CRTC3: variants seen among roughly 807,000 people sequenced by gnomAD.
The protein encoded by CRTC3 is CREB regulated transcription coactivator 3.
A neutral mutation model predicts 74.5 loss-of-function variants in CRTC3; 26 were observed. The ratio of observed to expected loss-of-function variants is 0.35; its 90% CI spans 0.26 to 0.48. CRTC3 has a LOEUF of 0.48. CRTC3 is among the 20% of genes least tolerant of loss of function. CRTC3 has a pLI of 0.99. For synonymous variants in CRTC3, 377 were observed against 325.8 expected (o/e 1.16, Z -1.69); for missense variants, 760 against 787.3 (o/e 0.97, Z 0.41).
intron 2 of CRTC3, among the ~76,000 whole-genome samples, chr15:90,578,730 C>T (rs1361154846): frequency 6.6e-6 from 1 of 152,108 alleles, no homozygotes; most frequent in Admixed American, 6.6e-5. Flanking sequence ...GAGGTGGGAA[C>T]TGGGTCGAAG....
chr15:90,629,198 A>C (rs765225203), intron 10 of CRTC3, 36 bp from the exon 11 acceptor site: 4 of 1,587,132 alleles, frequency 2.5e-6, no homozygotes, highest in Non-Finnish European at 2.6e-6. Context: ...ATTTGGTCTG[A>C]AATTATAAGT....
At chr15:90,623,036 C>G (rs1459073745) in intron 9 of CRTC3, among the ~76,000 whole-genome samples, 1 of 152,130 alleles carries the variant, frequency 6.6e-6, no homozygotes, top group African/African-American at 2.4e-5. Context: ...GGAGTGAGTG[C>G]TCAGCTCTCT....
chr15:90,591,796 C>CA (rs1242742794), intron 2 of CRTC3, among the ~76,000 whole-genome samples: 5 of 151,756 alleles, frequency 3.3e-5, no homozygotes, highest in African/African-American at 9.7e-5. Flanking sequence ...GACCCTGTCT[C>CA]AAAAAAAAGA....
chr15:90,641,242 TTG>T, intron 14 of CRTC3, 43 bp downstream of exon 14: 1 of 1,300,390 alleles, frequency 7.7e-7, no homozygotes, highest in Non-Finnish European at 1.1e-6. Flanking sequence ...TTTTATGTTG[TTG>T]TGTGTTCAGG....
At chr15:90,624,313 C>G (rs951883430) in intron 9 of CRTC3, among the ~76,000 whole-genome samples, 1 of 152,080 alleles carries the variant, frequency 6.6e-6, no homozygotes, top group Non-Finnish European at 1.5e-5. Flanking sequence ...CTCCCTGCCT[C>G]TCCTTCTGCC....
chr15:90,560,858 G>C (rs1407922826), intron 2 of CRTC3, among the ~76,000 whole-genome samples: 7 of 152,200 alleles, frequency 4.6e-5, no homozygotes, highest in Non-Finnish European at 5.9e-5. Flanking sequence ...AAGCCGCTTG[G>C]GGGGTTCAAC....
At chr15:90,592,211 A>G (rs16944607) in intron 2 of CRTC3, among the ~76,000 whole-genome samples, 6,345 of 152,286 alleles carry the variant, frequency 0.042, 415 homozygotes, top group African/African-American at 0.14. Flanking sequence ...TAAGCTACCA[A>G]TTTTATATGT....
intron 6 of CRTC3, among the ~76,000 whole-genome samples, chr15:90,612,205 C>T (rs543999834): frequency 2.4e-4 from 37 of 151,966 alleles, no homozygotes; most frequent in Non-Finnish European, 4.3e-4. Flanking sequence ...TGAAGACACA[C>T]GGGCCAGAGT....
At chr15:90,542,486 C>CT (rs1009063293) in intron 2 of CRTC3, among the ~76,000 whole-genome samples, 6 of 152,130 alleles carry the variant, frequency 3.9e-5, no homozygotes, top group African/African-American at 1.4e-4. Flanking sequence ...GCTGACATAA[C>CT]TTTTTTTTCA....
chr15:90,634,695 G>A (rs560728708), intron 11 of CRTC3: 7 of 656,094 alleles, frequency 1.1e-5, no homozygotes, highest in Non-Finnish European at 1.7e-5. Context: ...CTACACTAGA[G>A]CGGAGTATGA....
chr15:90,544,257 T>C (rs1966840504), intron 2 of CRTC3, among the ~76,000 whole-genome samples: 1 of 152,198 alleles, frequency 6.6e-6, no homozygotes. Context: ...TTCTTCATTG[T>C]TTGTCTGTGT....
At chr15:90,641,882 C>T (rs1484484212) in intron 14 of CRTC3, 50 bp from the exon 15 acceptor site, 1 of 1,535,366 alleles carries the variant, frequency 6.5e-7, no homozygotes, top group Admixed American at 1.7e-5. Context: ...TAGCCTGGAG[C>T]CTTCGCGCCT....
intron 2 of CRTC3, among the ~76,000 whole-genome samples, chr15:90,589,630 A>T (rs1051117217): frequency 6.6e-6 from 1 of 152,214 alleles, no homozygotes; most frequent in Non-Finnish European, 1.5e-5. Flanking sequence ...CAATGCTAGG[A>T]TTATAGGCGT....
intron 2 of CRTC3, among the ~76,000 whole-genome samples, chr15:90,556,307 T>TAG (rs1966889872): frequency 6.6e-6 from 1 of 152,196 alleles, no homozygotes; most frequent in Admixed American, 6.5e-5. Flanking sequence ...TTTCCACAAG[T>TAG]AGAATTCTGA....
At chr15:90,640,640 C>T (rs940930057) in intron 13 of CRTC3, among the ~76,000 whole-genome samples, 1 of 151,754 alleles carries the variant, frequency 6.6e-6, no homozygotes, top group African/African-American at 2.4e-5. Flanking sequence ...CGAGATGGCG[C>T]CATTGCACTC....
chr15:90,554,392 G>A (rs979037422), intron 2 of CRTC3, among the ~76,000 whole-genome samples: 3 of 152,130 alleles, frequency 2.0e-5, no homozygotes, highest in Admixed American at 6.5e-5. Flanking sequence ...TAGTAGAGAC[G>A]GGGTTTCACC....
chr15:90,629,096 C>G (rs1968941593), intron 10 of CRTC3, 138 bp from the exon 11 acceptor site: 1 of 754,012 alleles, frequency 1.3e-6, no homozygotes, highest in East Asian at 2.7e-5. Context: ...GATGCAGTCC[C>G]TGTAGGAGAG....
intron 2 of CRTC3, among the ~76,000 whole-genome samples, chr15:90,574,575 A>G (rs1967359069): frequency 1.3e-5 from 2 of 152,226 alleles, no homozygotes; most frequent in Non-Finnish European, 2.9e-5. Context: ...AATGACTAGA[A>G]GTGAAGTTGC....
At chr15:90,533,337 C>A (rs1165769454) in intron 1 of CRTC3, among the ~76,000 whole-genome samples, 1 of 148,856 alleles carries the variant, frequency 6.7e-6, no homozygotes, top group African/African-American at 2.5e-5. Flanking sequence ...AGGAGAATGG[C>A]GTGAACCCGG....
Sources: allele counts gnomAD v4.1 joint callset (sites outside exome capture counted in the v4.1 genomes callset), GRCh38; gene constraint gnomAD v4.1.1; transcripts MANE v1.5; gene names NCBI Gene and HGNC (gene_info 2026-07-23, HGNC 2026-07-21).